The following ATP2A2 variants were observed in gnomAD, a reference collection of about 807,000 sequenced individuals.
ATP2A2 encodes the protein sarcoplasmic/endoplasmic reticulum calcium ATPase 2.
In ATP2A2, 14 loss-of-function variants were observed where a neutral mutation model predicts 109.3. The ratio of observed to expected loss-of-function variants is 0.13; its 90% CI spans 0.08 to 0.20. The LOEUF is 0.20. Among genes scored for constraint, ATP2A2 ranks in the 10% least tolerant of loss-of-function variants. The pLI is 1.00. For synonymous variants in ATP2A2, 506 were observed against 490.9 expected, an observed-to-expected ratio of 1.03 and a Z score of -0.41; for missense variants, 657 against 1,321.6, an observed-to-expected ratio of 0.50 and a Z score of 7.80.
Position 110,346,826 on chromosome 12 carries a change from A to T in ATP2A2, c.*356A>T, listed in dbSNP as rs1879912954. 2 of 1,134,310 alleles carry T rather than the reference A, an allele frequency of 1.8e-6. No homozygotes were observed. The highest frequency in any genetic ancestry group is 4.8e-5 in the Admixed American group (1 of 20,988). 70.3% of individuals were successfully genotyped at this position (1,134,310 alleles called of 1,614,324 possible). The stretch of plus-strand genomic sequence containing the variant: ...ATTAATTGGCAGCAGATTTTAGGAA[A>T]TGAATGTGTGTGGTTTTTTTTCTAA... On this transcript the variant is annotated 3_prime_UTR_variant, in exon 20 of 20. Coordinates refer to ENST00000539276, the MANE Select transcript of ATP2A2 (RefSeq NM_170665.4).
chr12:110,284,082 A>G (rs1872426746), intron 3 of ATP2A2, among the ~76,000 whole-genome samples: 1 of 152,166 alleles, frequency 6.6e-6, no homozygotes, highest in South Asian at 2.1e-4. Flanking sequence ...TGTGGTTTTC[A>G]TTGATTAAAA....
Position 110,342,422 on chromosome 12 carries a change from C to T in ATP2A2, c.2292C>T (p.Ile764=), listed in dbSNP as rs773405765. Residue 764 remains isoleucine, a synonymous_variant, in exon 15 of 20, where the codon ATC becomes ATT. Transcript: ENST00000539276. This position sits in a 1 kb window ranked among gnomAD's most constrained non-coding sequence, Gnocchi z 4.6. ...TGAAACAGTTCATCCGCTACCTCAT[C>T]TCGTCCAACGTCGGGGAAGTTGTCT... is the stretch of plus-strand genomic sequence containing the variant. ...NNMKQFIRYL[I]SSNVGEVVCI... 2.5e-5 allele frequency: 40 copies of T among 1,613,788 alleles called. No individual in the cohort carries two copies. The highest frequency in any genetic ancestry group is 8.3e-5 in the Admixed American group (5 of 60,016).
intron 5 of ATP2A2, among the ~76,000 whole-genome samples, chr12:110,313,361 G>A (rs896645889): frequency 3.8e-5 from 5 of 132,952 alleles, no homozygotes; most frequent in Non-Finnish European, 7.6e-5. Flanking sequence ...CGCCCAGGCT[G>A]GAGTGCAGTG....
At chr12:110,310,417 T>C (rs1875898697) in intron 5 of ATP2A2, among the ~76,000 whole-genome samples, 1 of 152,210 alleles carries the variant, frequency 6.6e-6, no homozygotes, top group African/African-American at 2.4e-5. Flanking sequence ...TGAGCCACCA[T>C]TCCCAGCTAG....
At chr12:110,307,205 C>T (rs898765081) in intron 5 of ATP2A2, among the ~76,000 whole-genome samples, 5 of 149,524 alleles carry the variant, frequency 3.3e-5, no homozygotes, top group Non-Finnish European at 7.4e-5. Context: ...TATAAGTGTT[C>T]CCCCCAGCCC....
rs1876431695 is a variant in ATP2A2 at position 110,314,348 on chromosome 12, AAAAGT to A, written c.464-8640_464-8636del. On this transcript the variant is annotated intron_variant, in intron 5 of 19. Coordinates refer to ENST00000539276, the MANE Select transcript of ATP2A2 (RefSeq NM_170665.4). ...TGTCTCAAAAAAAGAAAAAAAAAAA[AAAAGT>A]AAAACAAAGGGCTTGGCATTATCAG... Among the ~76,000 whole-genome samples, 5 of 151,854 alleles carry A rather than the reference AAAAGT, an allele frequency of 3.3e-5. No homozygotes were observed. The South Asian group carries it at 1.0e-3, about 32-fold the overall frequency.
chr12:110,280,774 G>A (rs966650813), upstream of ATP2A2: 1 of 152,346 alleles, frequency 6.6e-6, no homozygotes, highest in Non-Finnish European at 1.5e-5. Flanking sequence ...CTCTGAAGGA[G>A]CCAGATTAGG....
At chr12:110,312,341 C>T (rs1592826101) in intron 5 of ATP2A2, among the ~76,000 whole-genome samples, 1 of 152,154 alleles carries the variant, frequency 6.6e-6, no homozygotes, top group East Asian at 1.9e-4. Flanking sequence ...GATTATTCTG[C>T]ATTTCTAATA....
chr12:110,344,768 G>A (rs1879681625), intron 16 of ATP2A2, 118 bp from the exon 17 acceptor site: 1 of 1,001,024 alleles, frequency 1.0e-6, no homozygotes, highest in Non-Finnish European at 1.6e-6. Flanking sequence ...ACAGGCCCCG[G>A]TTACCATCAC....
At chr12:110,287,177 C>T (rs1027049343) in intron 3 of ATP2A2, among the ~76,000 whole-genome samples, 1 of 152,058 alleles carries the variant, frequency 6.6e-6, no homozygotes, top group African/African-American at 2.4e-5. Context: ...CGCTTGAACC[C>T]GGGAGGCGGA....
At chr12:110,290,880 A>C (rs1370542235) in intron 3 of ATP2A2, among the ~76,000 whole-genome samples, 1 of 151,888 alleles carries the variant, frequency 6.6e-6, no homozygotes, top group Non-Finnish European at 1.5e-5. Flanking sequence ...CTGGGATTAC[A>C]GACTTGAACC....
rs928693011 is a variant in ATP2A2, at chr12:110,348,336, A to G, written c.*1866A>G. The G allele has an allele frequency of 2.0e-6, 2 of 985,108 alleles. No homozygotes were observed. Among genetic ancestry groups the G allele is most frequent in the Non-Finnish European group, 2.4e-6 (2 of 829,930 alleles). The allele number at this position is 985,108 out of a possible 1,614,324, so 61.0% of individuals were successfully genotyped here. A position where few individuals can be genotyped will look rare whatever the true frequency, so the allele number is the denominator to read the frequency against. ...CTGCAGGGGATGTTAAAGCACAGTT[A>G]GTAGGACGTGGCTCTGCACAGCCCA... is the stretch of plus-strand genomic sequence containing the variant. On this transcript the variant is annotated 3_prime_UTR_variant, in exon 20 of 20. Coordinates refer to ENST00000539276, the MANE Select transcript of ATP2A2 (RefSeq NM_170665.4).
intron 3 of ATP2A2, among the ~76,000 whole-genome samples, chr12:110,289,585 A>G (rs933827507): frequency 6.6e-6 from 1 of 152,096 alleles, no homozygotes; most frequent in Non-Finnish European, 1.5e-5. Flanking sequence ...GTCCTGCTCA[A>G]ACAGATATTT....
intron 16 of ATP2A2, 33 bp downstream of exon 16, chr12:110,343,467 A>C: frequency 1.2e-6 from 2 of 1,609,318 alleles, no homozygotes; most frequent in Non-Finnish European, 1.7e-6. Flanking sequence ...ACTGATTTTT[A>C]AACAAAATGT....
chr12:110,285,815 A>G (rs1201415352), intron 3 of ATP2A2, among the ~76,000 whole-genome samples: 2 of 152,180 alleles, frequency 1.3e-5, no homozygotes, highest in Non-Finnish European at 2.9e-5. Context: ...AAATGCTAAT[A>G]AAACTTTCTA....
At chr12:110,297,228 A>G (rs1230093878) in intron 5 of ATP2A2, among the ~76,000 whole-genome samples, 1 of 152,086 alleles carries the variant, frequency 6.6e-6, no homozygotes. Context: ...TCACGAGGTC[A>G]AGAGATTGAG....
In ATP2A2 at chr12:110,323,097, G is replaced by T. The variant is rs780721561; in HGVS notation, c.544+25G>T. 64 of 1,559,202 alleles carry T rather than the reference G, an allele frequency of 4.1e-5. No homozygotes were observed. The South Asian group carries it at 7.0e-4, about 17-fold the overall frequency. On this transcript the variant is annotated intron_variant, in intron 6 of 19. Transcript: ENST00000539276. ...GGTAAATATGATATATTAAGTCATT[G>T]AATTTCTGAAGACCTTCGCATATTC...
chr12:110,331,557 C>T lies in ATP2A2; in HGVS notation c.1096-1040C>T, dbSNP rs184180634. 6.6e-5 allele frequency: 10 copies of T among 152,330 alleles called. No individual in the cohort carries two copies. In the East Asian group the frequency reaches 1.9e-3, roughly 29 times the overall value. 9.4% of individuals were successfully genotyped at this position (152,330 alleles called of 1,614,324 possible). A position where few individuals can be genotyped will look rare whatever the true frequency, so the allele number is the denominator to read the frequency against. On this transcript the variant is annotated intron_variant, in intron 8 of 19. Transcript: ENST00000539276. ...GTTTCACCATCTTTGCCAGGCTGAT[C>T]TTGAGCTCCTGTCCTCATGATCTAC...
At chr12:110,293,870 ATTTTT>A (rs398021049) in intron 4 of ATP2A2, among the ~76,000 whole-genome samples, 25 of 73,310 alleles carry the variant, frequency 3.4e-4, no homozygotes, top group East Asian at 2.8e-3. Flanking sequence ...GTGTGTATAT[ATTTTT>A]TTTTTTTTTT....
Sources: gnomAD v4.1 joint callset for allele counts (sites outside exome capture counted in the v4.1 genomes callset) on GRCh38, gnomAD v4.1.1 for gene constraint, Gnocchi (gnomAD v3.1) non-coding constraint, MANE v1.5 for transcripts, NCBI Gene and HGNC (gene_info 2026-07-23, HGNC 2026-07-21) for gene names.